The following RBFOX1 variants were observed in gnomAD, a reference collection of about 807,000 sequenced individuals.
RBFOX1 encodes the protein RNA binding protein fox-1 homolog 1.
In RBFOX1, 8 loss-of-function variants were observed where a neutral mutation model predicts 57.7. That is an observed-to-expected ratio of 0.14 (90% CI 0.08 to 0.25). The LOEUF is 0.25. Among genes scored for constraint, RBFOX1 ranks in the 10% least tolerant of loss-of-function variants. The probability of loss-of-function intolerance (pLI) is 1.00; values close to 1 mark genes in which losing one functional copy is unlikely to be tolerated. For synonymous variants in RBFOX1, 326 were observed against 222.4 expected, an observed-to-expected ratio of 1.47 and a Z score of -4.15; for missense variants, 611 against 548.5, an observed-to-expected ratio of 1.11 and a Z score of -1.14.
At chr16:6,094,090 A>G (rs954306976) in intron 1 of RBFOX1, among the ~76,000 whole-genome samples, 6 of 152,184 alleles carry the variant, frequency 3.9e-5, no homozygotes, top group Non-Finnish European at 7.3e-5. Context: ...GCCATTGAAA[A>G]GACCCCAAAT....
chr16:5,646,975 G>A (rs879726036), intron 3 of RBFOX1, among the ~76,000 whole-genome samples: 1 of 152,134 alleles, frequency 6.6e-6, no homozygotes, highest in African/African-American at 2.4e-5. Flanking sequence ...CCGAGAAAGG[G>A]GAGCGCAGCC....
chr16:5,757,782 A>G (rs1412633149), intron 3 of RBFOX1, among the ~76,000 whole-genome samples: 1 of 152,346 alleles, frequency 6.6e-6, no homozygotes, highest in South Asian at 2.1e-4. Flanking sequence ...TAGACTTGCT[A>G]GTAAGTGGAG....
intron 3 of RBFOX1, among the ~76,000 whole-genome samples, chr16:6,984,336 T>C (rs17141933): frequency 0.12 from 18,846 of 152,100 alleles, 1,912 homozygotes; most frequent in East Asian, 0.27. Flanking sequence ...TGAAATATGA[T>C]GGTATCAATG....
chr16:7,279,191 C>G (rs911998101), intron 4 of RBFOX1, among the ~76,000 whole-genome samples: 7 of 151,348 alleles, frequency 4.6e-5, no homozygotes, highest in African/African-American at 1.5e-4. Context: ...AGTGCCTACC[C>G]TCTCTGACTT....
intron 3 of RBFOX1, chr16:6,874,074 C>T (rs1243664741): frequency 1.3e-5 from 2 of 152,126 alleles, no homozygotes; most frequent in Admixed American, 6.6e-5. Context: ...ATGAAAAAGA[C>T]ACTTGCACAT....
chr16:7,628,515 G>C (rs1427543371), intron 10 of RBFOX1, among the ~76,000 whole-genome samples: 2 of 152,080 alleles, frequency 1.3e-5, no homozygotes, highest in Non-Finnish European at 2.9e-5. Flanking sequence ...TCCATTCTTT[G>C]GAGTTTGGTT....
At chr16:7,319,265 A>G (rs8046170) in intron 4 of RBFOX1, among the ~76,000 whole-genome samples, 28,610 of 152,046 alleles carry the variant, frequency 0.19, 4,496 homozygotes, top group African/African-American at 0.44. Context: ...GCTCTATTCA[A>G]TATTGTTGGG....
chr16:7,379,889 T>C (rs1201329353), intron 4 of RBFOX1, among the ~76,000 whole-genome samples: 1 of 152,110 alleles, frequency 6.6e-6, no homozygotes, highest in Non-Finnish European at 1.5e-5. Context: ...GTCTTGCCTT[T>C]ATCACCCACC....
chr16:7,711,657 A>T lies in RBFOX1; in HGVS notation c.*912A>T, dbSNP rs1015515812. The T allele has an allele frequency of 5.3e-5, 8 of 152,070 alleles. No homozygotes were observed. Among genetic ancestry groups the T allele is most frequent in the African/African-American group, 1.7e-4 (7 of 41,378 alleles). 9.4% of individuals were successfully genotyped at this position (152,070 alleles called of 1,614,324 possible). A position where few individuals can be genotyped will look rare whatever the true frequency, so the allele number is the denominator to read the frequency against. On this transcript the variant is annotated 3_prime_UTR_variant, in exon 16 of 16. Transcript: ENST00000550418. ...AAAACTTAAATTCTTTGTACCAGTT[A>T]AAAAAAATGTATAAAATTTACATCT...
At position 6,626,757 on chromosome 16, in the gene RBFOX1, C is replaced by G. The variant is rs1467328670; in HGVS notation, c.-63-27846C>G. Among the ~76,000 whole-genome samples the G allele has an allele frequency of 4.0e-5, 6 of 150,522 alleles. No individual in the cohort carries two copies. The South Asian group carries it at 8.4e-4, about 21-fold the overall frequency. ...CCTGGATGACAGAGTGAGACTCCAT[C>G]TTAATAAATAAATAAAATAAAATAA... On this transcript the variant is annotated intron_variant, in intron 2 of 15. Coordinates refer to ENST00000550418, the MANE Select transcript of RBFOX1 (RefSeq NM_018723.4).
intron 4 of RBFOX1, among the ~76,000 whole-genome samples, chr16:7,252,598 G>C (rs572004267): frequency 6.6e-6 from 1 of 151,986 alleles, no homozygotes; most frequent in Admixed American, 6.5e-5. Flanking sequence ...TTTGGTAGTT[G>C]TTAAATGTTT....
At chr16:5,408,051 G>C (rs373730396) in intron 1 of RBFOX1, among the ~76,000 whole-genome samples, 1 of 151,816 alleles carries the variant, frequency 6.6e-6, no homozygotes, top group African/African-American at 2.4e-5. Flanking sequence ...CCTGCAGGCT[G>C]ATGTGTTTAA....
chr16:5,509,697 C>G (rs2043511420), intron 2 of RBFOX1, among the ~76,000 whole-genome samples: 4 of 152,112 alleles, frequency 2.6e-5, no homozygotes, highest in African/African-American at 9.7e-5. Flanking sequence ...GCCAGGAGAG[C>G]TGATGGAGGA....
intron 4 of RBFOX1, among the ~76,000 whole-genome samples, chr16:7,057,581 C>T (rs528086788): frequency 6.6e-6 from 1 of 152,162 alleles, no homozygotes; most frequent in African/African-American, 2.4e-5. Flanking sequence ...TTGGCTTAGT[C>T]TGGATCAGTT....
At chr16:6,558,041 A>G (rs80257995) in intron 2 of RBFOX1, among the ~76,000 whole-genome samples, 1 of 152,162 alleles carries the variant, frequency 6.6e-6, no homozygotes, top group Non-Finnish European at 1.5e-5. Flanking sequence ...TCTATTTTTC[A>G]TAAATTAGGC....
chr16:6,969,457 G>C (rs148617448), intron 3 of RBFOX1, among the ~76,000 whole-genome samples: 1 of 152,110 alleles, frequency 6.6e-6, no homozygotes, highest in Non-Finnish European at 1.5e-5. Flanking sequence ...TAAGGTGGCC[G>C]GGTGTGGTGG....
chr16:5,553,144 C>G (rs1157287854), intron 2 of RBFOX1, among the ~76,000 whole-genome samples: 2 of 151,986 alleles, frequency 1.3e-5, no homozygotes, highest in Non-Finnish European at 2.9e-5. Context: ...GGGTGACGGG[C>G]TGGGGGAGAG....
chr16:7,344,467 A>G (rs1006270211), intron 4 of RBFOX1, among the ~76,000 whole-genome samples: 16 of 150,458 alleles, frequency 1.1e-4, no homozygotes, highest in African/African-American at 3.9e-4. Flanking sequence ...ATATATAAAT[A>G]TATAACTACA....
intron 2 of RBFOX1, among the ~76,000 whole-genome samples, chr16:6,417,040 C>T (rs548897594): frequency 1.3e-5 from 2 of 152,062 alleles, no homozygotes; most frequent in Non-Finnish European, 2.9e-5. Context: ...GAGACAGAGT[C>T]TCTCTCTGTC....
Sources: allele counts gnomAD v4.1 joint callset (sites outside exome capture counted in the v4.1 genomes callset), GRCh38; gene constraint gnomAD v4.1.1; transcripts MANE v1.5; gene names NCBI Gene and HGNC (gene_info 2026-07-23, HGNC 2026-07-21).